The following CPXM1 variants were observed in gnomAD, a reference collection of about 807,000 sequenced individuals.
CPXM1 encodes probable carboxypeptidase X1.
CPXM1 carries 72 observed loss-of-function variants against 80.4 expected under a neutral mutation model. The ratio of observed to expected loss-of-function variants is 0.90; its 90% confidence interval spans 0.74 to 1.09. CPXM1 has a LOEUF of 1.09. Ranked by LOEUF, CPXM1 falls within the 50% of genes least tolerant of loss-of-function variation. The pLI, the probability that CPXM1 is intolerant of heterozygous loss-of-function variation, is 0.00. For synonymous variants in CPXM1, 403 were observed against 405.6 expected, an observed-to-expected ratio of 0.99 and a Z score of 0.08; for missense variants, 892 against 999.4, an observed-to-expected ratio of 0.89 and a Z score of 1.45.
At position 2,794,313 on chromosome 20, in the gene CPXM1, G is replaced by C; in HGVS notation, c.2082C>G (p.Phe694Leu). 6.2e-7 allele frequency: 1 copy of C among 1,614,192 alleles called. No individual in the cohort carries two copies. Among genetic ancestry groups the C allele is most frequent in the Non-Finnish European group, 8.5e-7 (1 of 1,180,044 alleles). ...NCRVTFEEGP[F>L]PCNFVLTKTP... ...TCTTGGTGAGCACGAAATTGCAGGG[G>C]AAGGGGCCCTCTTCAAAGGTGACCC... The change falls in exon 14 of 14, where the codon TTC becomes TTG. Residue 694 changes from phenylalanine to leucine, a missense_variant. Physicochemically the swap from Phe to Leu is conservative, Grantham distance 22. Coordinates refer to ENST00000380605, the MANE Select transcript of CPXM1 (RefSeq NM_019609.5). This position sits in a 1 kb window ranked among gnomAD's most constrained non-coding sequence, Gnocchi z 5.2.
At chr20:2,797,678 G>C (rs1389258589) in intron 5 of CPXM1, among the ~76,000 whole-genome samples, 1 of 152,196 alleles carries the variant, frequency 6.6e-6, no homozygotes, top group Non-Finnish European at 1.5e-5. Context: ...GAGAAGGCAA[G>C]AAGTGATGTG....
Position 2,796,088 on chromosome 20 carries a change from T to C in CPXM1, c.1316A>G (p.Asp439Gly). ...QSIDLNHNFA[D>G]LNTPLWEAQD... is the part of the protein sequence containing the mutation. ...TGCTTCCCACAGTGGTGTGTTGAGGTCAGCAAAATTATGGTTAAGATCGAT... is the reference window on the plus strand; with the variant it reads ...TGCTTCCCACAGTGGTGTGTTGAGGCCAGCAAAATTATGGTTAAGATCGAT... The change falls in exon 10 of 14, where the codon GAC becomes GGC. Residue 439 changes from aspartate to glycine, a missense_variant. This residue lies in a region of CPXM1 where 874 missense variants were observed against 958.4 expected (regional missense o/e 0.91). Coordinates refer to ENST00000380605, the MANE Select transcript of CPXM1 (RefSeq NM_019609.5). This position sits in a 1 kb window ranked among gnomAD's most constrained non-coding sequence, Gnocchi z 6.8. 1 of 1,613,914 alleles carries C rather than the reference T, an allele frequency of 6.2e-7. No homozygotes were observed. The highest frequency in any genetic ancestry group is 8.5e-7 in the Non-Finnish European group (1 of 1,179,924).
intron 1 of CPXM1, among the ~76,000 whole-genome samples, chr20:2,800,160 C>CGT (rs369939465): frequency 1.3e-5 from 2 of 149,194 alleles, no homozygotes; most frequent in African/African-American, 2.5e-5. Flanking sequence ...TGTGAGTGTG[C>CGT]GTGTGTGTGC....
rs763146002 is a variant in CPXM1, at chr20:2,796,612, G to A, written c.960C>T (p.Thr320=). ...KQVQEQCPNI[T]RIYSIGKSYQ... is the part of the protein sequence containing the mutation. The stretch of plus-strand genomic sequence containing the variant: ...AGCTCTTCCCAATGCTGTAGATGCG[G>A]GTGATGTTGGGGCATTGCTCTTGTA... The change falls in exon 8 of 14, where the codon ACC becomes ACT. Residue 320 remains threonine, a synonymous_variant. Transcript: ENST00000380605. This position sits in a 1 kb window ranked among gnomAD's most constrained non-coding sequence, Gnocchi z 6.8. 5.0e-6 allele frequency: 8 copies of A among 1,614,170 alleles called. No homozygotes were observed. Among genetic ancestry groups the A allele is most frequent in the Middle Eastern group, 1.7e-4 (1 of 6,060 alleles).
At position 2,796,523 on chromosome 20, in the gene CPXM1, G is replaced by A; in HGVS notation, c.1045+4C>T. ...CTACCTCTCCCCACTCCCCATGCCA[G>A]TACCCAGCTCATGCTCCCCAGGCTT... On this transcript the variant is annotated splice_donor_region_variant and intron_variant, in intron 8 of 13. Coordinates refer to ENST00000380605, the MANE Select transcript of CPXM1 (RefSeq NM_019609.5). This position sits in a 1 kb window ranked among gnomAD's most constrained non-coding sequence, Gnocchi z 6.8. 1.9e-6 allele frequency: 3 copies of A among 1,614,094 alleles called. No homozygotes were observed. The highest frequency in any genetic ancestry group is 2.5e-6 in the Non-Finnish European group (3 of 1,179,970).
chr20:2,796,160 C>T lies in CPXM1; in HGVS notation c.1244G>A (p.Gly415Asp), dbSNP rs2088505492. The part of the protein sequence containing the change: ...PDGYEIAYHR[G>D]SELVGWAEGR... ...CTCGGCCCAGCCCACCAGCTCTGAA[C>T]CCTGCCGGGCAAGAGGCTTGTTCAA... Residue 415 changes from glycine (G) to aspartate (D), a missense_variant and splice_region_variant, in exon 10 of 14, where the codon GGT becomes GAT. Gly to Asp is a moderately conservative substitution (Grantham distance 94). Around this residue, in one of 2 missense-constraint regions of CPXM1, gnomAD observed 874 missense variants for 958.4 expected, o/e 0.91. Transcript: ENST00000380605. The surrounding 1 kb of genome is among the most constrained non-coding windows in gnomAD (Gnocchi z 6.8). 6.2e-7 allele frequency: 1 copy of T among 1,609,180 alleles called. No homozygotes were observed. Among genetic ancestry groups the T allele is most frequent in the Non-Finnish European group, 8.5e-7 (1 of 1,177,482 alleles).
Position 2,797,980 on chromosome 20 carries a change from A to G in CPXM1, c.669T>C (p.Ser223=). The G allele has an allele frequency of 6.2e-7, 1 of 1,614,008 alleles. No individual in the cohort carries two copies. Among genetic ancestry groups the G allele is most frequent in the Non-Finnish European group, 8.5e-7 (1 of 1,179,936 alleles). The change falls in exon 5 of 14, where the codon AGT becomes AGC. Residue 223 remains serine, a synonymous_variant. Coordinates refer to ENST00000380605, the MANE Select transcript of CPXM1 (RefSeq NM_019609.5). ...RTWWGSRNHS[S]GMDAVFPANS... Reference sequence around the variant, plus strand: ...TGGGACCACTCACTGCGTCCATCCCACTGCTGTGGTTCCTACTTCCCCACC... The same window carrying G: ...TGGGACCACTCACTGCGTCCATCCCGCTGCTGTGGTTCCTACTTCCCCACC...
At position 2,795,093 on chromosome 20, in the gene CPXM1, C is replaced by G. The variant is rs1373735799; in HGVS notation, c.1860+184G>C. Among the ~76,000 whole-genome samples, 1 of 152,214 alleles carries G rather than the reference C, an allele frequency of 6.6e-6. No homozygotes were observed. Among genetic ancestry groups the G allele is most frequent in the Non-Finnish European group, 1.5e-5 (1 of 68,042 alleles). On this transcript the variant is annotated intron_variant, in intron 12 of 13. Coordinates refer to ENST00000380605, the MANE Select transcript of CPXM1 (RefSeq NM_019609.5). The surrounding 1 kb of genome is among the most constrained non-coding windows in gnomAD (Gnocchi z 5.4). ...CCACCGGCTCTAACACGATGCCACG[C>G]TGCCAGCAAACTGCACTTCCTGTCC...
rs1212219537 is a variant in CPXM1 at position 2,795,415 on chromosome 20, G to A, written c.1722C>T (p.Ser574=). The change falls in exon 12 of 14, where the codon AGC becomes AGT. Residue 574 remains serine (S), a splice_region_variant and synonymous_variant. Coordinates refer to ENST00000380605, the MANE Select transcript of CPXM1 (RefSeq NM_019609.5). The surrounding 1 kb of genome is among the most constrained non-coding windows in gnomAD (Gnocchi z 5.4). ...TGTGTAGGTAGCTGAAGTCATTCAT[G>A]CCTAAGGGGACCACAGACACTGCTG... ...NGADWHTVPG[S]MNDFSYLHTN... The A allele has an allele frequency of 6.2e-7, 1 of 1,613,542 alleles. No homozygotes were observed. Among genetic ancestry groups the A allele is most frequent in the South Asian group, 1.1e-5 (1 of 91,064 alleles).
At chr20:2,797,470 C>T (rs1351760011) in intron 5 of CPXM1, 128 bp from the exon 6 acceptor site, 2 of 1,080,320 alleles carry the variant, frequency 1.9e-6, no homozygotes, top group East Asian at 5.3e-5. Context: ...GAGACTTGCA[C>T]TGTGCATCAA....
Position 2,797,180 on chromosome 20 carries a change from C to T in CPXM1, c.832+12G>A, listed in dbSNP as rs747229218. The T allele has an allele frequency of 6.2e-7, 1 of 1,604,110 alleles. No homozygotes were observed. The highest frequency in any genetic ancestry group is 2.2e-5 in the East Asian group (1 of 44,592). Reference sequence around the variant, plus strand: ...CAAGCCCTGCCCAACCAACCCTGGCCTGACTGCCCACCTGAGACTGGGCAG... The same window carrying T: ...CAAGCCCTGCCCAACCAACCCTGGCTTGACTGCCCACCTGAGACTGGGCAG... On this transcript the variant is annotated intron_variant, in intron 6 of 13. Transcript: ENST00000380605.
At position 2,794,318 on chromosome 20, in the gene CPXM1, G is replaced by T; in HGVS notation, c.2077C>A (p.Pro693Thr). Reference protein sequence around the residue: ...RNCRVTFEEGPFPCNFVLTKT... With the variant: ...RNCRVTFEEGTFPCNFVLTKT... ...GTGAGCACGAAATTGCAGGGGAAGG[G>T]GCCCTCTTCAAAGGTGACCCGACAG... The change falls in exon 14 of 14, where the codon CCC (proline) becomes ACC (threonine). Residue 693 changes from proline to threonine, a missense_variant. Around this residue, in one of 2 missense-constraint regions of CPXM1, gnomAD observed 874 missense variants for 958.4 expected, o/e 0.91. Transcript: ENST00000380605. The surrounding 1 kb of genome is among the most constrained non-coding windows in gnomAD (Gnocchi z 5.2). 1 of 1,614,158 alleles carries T rather than the reference G, an allele frequency of 6.2e-7. No individual in the cohort carries two copies. Among genetic ancestry groups the T allele is most frequent in the Non-Finnish European group, 8.5e-7 (1 of 1,180,040 alleles).
Position 2,794,763 on chromosome 20 carries a change from G to A in CPXM1, c.1861-124C>T. On this transcript the variant is annotated intron_variant, in intron 12 of 13. Transcript: ENST00000380605. The surrounding 1 kb of genome is among the most constrained non-coding windows in gnomAD (Gnocchi z 5.2). ...TGGTAGGTCTACTGTGTTCCTAGGT[G>A]ACACTACTTCTGGAAGAAAAAAAAA... 3.0e-6 allele frequency: 2 copies of A among 658,958 alleles called. No homozygotes were observed. Among genetic ancestry groups the A allele is most frequent in the South Asian group, 3.6e-5 (2 of 55,080 alleles). The allele number at this position is 658,958 out of a possible 1,614,324, so 40.8% of individuals were successfully genotyped here.
In CPXM1 at chr20:2,798,550, T is replaced by C. The variant is rs773772330; in HGVS notation, c.341-13A>G. The stretch of plus-strand genomic sequence containing the variant: ...AAAGGAGGACAGCCTGGGGCGGGGA[T>C]AGAACAGTGAGACAGGACCAGAGGG... On this transcript the variant is annotated splice_polypyrimidine_tract_variant and intron_variant, in intron 2 of 13. Coordinates refer to ENST00000380605, the MANE Select transcript of CPXM1 (RefSeq NM_019609.5). 8.1e-6 allele frequency: 13 copies of C among 1,609,732 alleles called. No homozygotes were observed. Among genetic ancestry groups the C allele is most frequent in the South Asian group, 2.2e-5 (2 of 90,882 alleles).
chr20:2,797,013 A>G lies in CPXM1; in HGVS notation c.914T>C (p.Met305Thr). Residue 305 changes from methionine (M) to threonine (T), a missense_variant, in exon 7 of 14, where the codon ATG (methionine) becomes ACG (threonine). Coordinates refer to ENST00000380605, the MANE Select transcript of CPXM1 (RefSeq NM_019609.5). ...ATAGGGGTTATATCTGACCTTCCTCATGGCCTTGTAATTGTGATGCTGAAA... is the reference window on the plus strand; with the variant it reads ...ATAGGGGTTATATCTGACCTTCCTCGTGGCCTTGTAATTGTGATGCTGAAA... Reference protein sequence around the residue: ...LDFQHHNYKAMRKLMKQVQEQ... With the variant: ...LDFQHHNYKATRKLMKQVQEQ... 6.2e-7 allele frequency: 1 copy of G among 1,613,962 alleles called. No homozygotes were observed. The highest frequency in any genetic ancestry group is 8.5e-7 in the Non-Finnish European group (1 of 1,179,884).
chr20:2,798,689 G>A lies in CPXM1; in HGVS notation c.340+37C>T, dbSNP rs764772411. 8 of 1,594,712 alleles carry A rather than the reference G, an allele frequency of 5.0e-6. No homozygotes were observed. In the East Asian group the frequency reaches 1.6e-4, roughly 31 times the overall value. On this transcript the variant is annotated intron_variant, in intron 2 of 13. Transcript: ENST00000380605. Reference sequence around the variant, plus strand: ...GCTGTGCTGGTAAAGTGCCCCAGGGGCTGCAAGTCTGGGCTGGGCCCCTGG... The same window carrying A: ...GCTGTGCTGGTAAAGTGCCCCAGGGACTGCAAGTCTGGGCTGGGCCCCTGG...
In CPXM1 at chr20:2,794,620, C is replaced by A. The variant is rs1219372969; in HGVS notation, c.1880G>T (p.Gly627Val). Reference sequence around the variant, plus strand: ...CTCCGTGTCCTTGTCCCTCACCACTCCTGCAATGCCCATGCGCACCTGTGT... The same window carrying A: ...CTCCGTGTCCTTGTCCCTCACCACTACTGCAATGCCCATGCGCACCTGTGT... ...YLEQVRMGIA[G>V]VVRDKDTELG... Residue 627 changes from glycine (G) to valine (V), a missense_variant, in exon 13 of 14, where the codon GGA becomes GTA. Physicochemically the swap from Gly to Val is moderately radical, Grantham distance 109 (BLOSUM62 -3). Coordinates refer to ENST00000380605, the MANE Select transcript of CPXM1 (RefSeq NM_019609.5). This position sits in a 1 kb window ranked among gnomAD's most constrained non-coding sequence, Gnocchi z 5.2. 6.2e-7 allele frequency: 1 copy of A among 1,612,316 alleles called. No homozygotes were observed. Among genetic ancestry groups the A allele is most frequent in the Non-Finnish European group, 8.5e-7 (1 of 1,179,878 alleles).
Position 2,797,426 on chromosome 20 carries a change from G to A in CPXM1, c.682-84C>T, listed in dbSNP as rs150320877. 2,069 of 1,392,990 alleles carry A rather than the reference G, an allele frequency of 1.5e-3. 33 individuals carry two copies. In the African/African-American group the frequency reaches 0.027, roughly 18 times the overall value. 86.3% of individuals were successfully genotyped at this position (1,392,990 alleles called of 1,614,324 possible). ...CCAGGGAAGGAGCTCAGGCCTCCAA[G>A]CTTACTGTCTCCCCACCCTAGTGGG... On this transcript the variant is annotated intron_variant, in intron 5 of 13. Coordinates refer to ENST00000380605, the MANE Select transcript of CPXM1 (RefSeq NM_019609.5).
rs1340604598 is a variant in CPXM1 at position 2,795,158 on chromosome 20, T to C, written c.1860+119A>G. On this transcript the variant is annotated intron_variant, in intron 12 of 13. Coordinates refer to ENST00000380605, the MANE Select transcript of CPXM1 (RefSeq NM_019609.5). The surrounding 1 kb of genome is among the most constrained non-coding windows in gnomAD (Gnocchi z 5.4). ...ACAATCTGATACCAAGCATGGCCCA[T>C]GGCATCTTGTGAGTCTGAATGCTCA... 2.5e-6 allele frequency: 3 copies of C among 1,206,226 alleles called. No homozygotes were observed. The highest frequency in any genetic ancestry group is 2.1e-5 in the Admixed American group (1 of 48,006). 74.7% of individuals were successfully genotyped at this position (1,206,226 alleles called of 1,614,324 possible).
Sources: allele counts gnomAD v4.1 joint callset (sites outside exome capture counted in the v4.1 genomes callset), GRCh38; gene constraint gnomAD v4.1.1; regional missense constraint gnomAD v4.1.1; non-coding constraint Gnocchi (gnomAD v3.1); transcripts MANE v1.5; gene names NCBI Gene and HGNC (gene_info 2026-07-23, HGNC 2026-07-21).